SMG6: variants seen among roughly 807,000 people sequenced by gnomAD.
SMG6 encodes SMG6 nonsense mediated mRNA decay factor, also known as telomerase-binding protein EST1A.
Under a neutral mutation model 142.2 loss-of-function variants are expected in SMG6, and 66 were observed. That is an observed-to-expected ratio of 0.46 (90% CI 0.38 to 0.57). The LOEUF is 0.57. Among genes scored for constraint, SMG6 ranks in the 20% least tolerant of loss-of-function variants. The pLI is 0.00. For missense variants in SMG6, 1,793 were observed against 1,832.0 expected, an observed-to-expected ratio of 0.98 and a Z score of 0.39; for synonymous variants, 779 against 702.4, an observed-to-expected ratio of 1.11 and a Z score of -1.72.
intron 8 of SMG6, among the ~76,000 whole-genome samples, chr17:2,267,816 C>T (rs1261496556): frequency 4.0e-5 from 6 of 150,692 alleles, no homozygotes; most frequent in African/African-American, 9.8e-5. Context: ...GGCGCGATCT[C>T]GGCTCACTGT....
chr17:2,233,513 GA>G (rs1015011500), intron 10 of SMG6: 1 of 152,380 alleles, frequency 6.6e-6, no homozygotes, highest in Non-Finnish European at 1.5e-5. Context: ...GGCCAGGGGA[GA>G]AACCTTTAGA....
rs765346695 is a variant in SMG6, at chr17:2,085,892, C to T, written c.3367G>A (p.Ala1123Thr). The T allele has an allele frequency of 5.0e-6, 8 of 1,614,096 alleles. No individual in the cohort carries two copies. In the South Asian group the frequency reaches 8.8e-5, roughly 18 times the overall value. Reference protein sequence around the residue: ...VEKTSDKVIAADCKRVTVLKY... With the variant: ...VEKTSDKVIATDCKRVTVLKY... ...AGCACTGTGACCCTTTTGCAGTCAGCTGCAATAACCTACAGGGTGAGAGGG... is the reference window on the plus strand; with the variant it reads ...AGCACTGTGACCCTTTTGCAGTCAGTTGCAATAACCTACAGGGTGAGAGGG... The change falls in exon 14 of 19, where the codon GCT (alanine) becomes ACT (threonine). Residue 1123 changes from alanine to threonine, a missense_variant. Physicochemically the swap from Ala to Thr is moderately conservative, Grantham distance 58. Coordinates refer to ENST00000263073, the MANE Select transcript of SMG6 (RefSeq NM_017575.5). This position sits in a 1 kb window ranked among gnomAD's most constrained non-coding sequence, Gnocchi z 4.1.
Position 2,173,845 on chromosome 17 carries a change from C to CTTT in SMG6, c.3156-989_3156-987dup, listed in dbSNP as rs35215989. On this transcript the variant is annotated intron_variant, in intron 12 of 18. Coordinates refer to ENST00000263073, the MANE Select transcript of SMG6 (RefSeq NM_017575.5). ...TGGTGGGTGCTGAGGATCCATAAAG[C>CTTT]TTTTTTTTTTTTTTTTTTTTTTTTT... is the stretch of plus-strand genomic sequence containing the variant. 3.8e-3 allele frequency among the ~76,000 whole-genome samples: 284 copies of CTTT among 74,816 alleles called. 18 individuals are homozygous for CTTT. The highest frequency in any genetic ancestry group is 5.9e-3 in the Non-Finnish European group (230 of 38,776). The allele number at this position is 74,816 out of a possible 152,430, so 49.1% of individuals were successfully genotyped here.
intron 10 of SMG6, among the ~76,000 whole-genome samples, chr17:2,223,721 C>A (rs557832235): frequency 2.2e-4 from 33 of 152,236 alleles, no homozygotes; most frequent in African/African-American, 7.9e-4. Context: ...CCCAATTAGC[C>A]CTCTAAGTGA....
chr17:2,219,255 G>A (rs1567692862), intron 10 of SMG6, among the ~76,000 whole-genome samples: 1 of 152,040 alleles, frequency 6.6e-6, no homozygotes, highest in African/African-American at 2.4e-5. Flanking sequence ...CGTGGTGGCG[G>A]GCACCTGTAG....
intron 4 of SMG6, among the ~76,000 whole-genome samples, chr17:2,296,384 C>A (rs2075142767): frequency 6.6e-6 from 1 of 152,154 alleles, no homozygotes; most frequent in Non-Finnish European, 1.5e-5. Context: ...TCCAAGAAGC[C>A]TTCCTTGGCC....
chr17:2,064,434 C>T (rs751270874), intron 18 of SMG6, among the ~76,000 whole-genome samples: 2 of 152,156 alleles, frequency 1.3e-5, no homozygotes, highest in African/African-American at 2.4e-5. Flanking sequence ...TGAGATTCTG[C>T]TTACCCCAAA....
intron 1 of SMG6, among the ~76,000 whole-genome samples, chr17:2,302,772 C>A (rs1443054885): frequency 6.6e-6 from 1 of 151,954 alleles, no homozygotes; most frequent in Non-Finnish European, 1.5e-5. Context: ...GCAGTTTAAC[C>A]CAAGAATAGC....
intron 13 of SMG6, among the ~76,000 whole-genome samples, chr17:2,124,293 T>G (rs2069799482): frequency 6.6e-6 from 1 of 152,136 alleles, no homozygotes; most frequent in Non-Finnish European, 1.5e-5. Flanking sequence ...ACAATAAGGG[T>G]GGGGTACAGG....
At chr17:2,230,461 T>G (rs1191427597) in intron 10 of SMG6, among the ~76,000 whole-genome samples, 1 of 152,028 alleles carries the variant, frequency 6.6e-6, no homozygotes, top group Non-Finnish European at 1.5e-5. Context: ...ACCACATGGC[T>G]ATCTTGGGGC....
At chr17:2,121,452 A>C (rs1297337055) in intron 13 of SMG6, among the ~76,000 whole-genome samples, 1 of 152,162 alleles carries the variant, frequency 6.6e-6, no homozygotes. Context: ...AAAATAGGCA[A>C]ATCTAATCTT....
In SMG6 at chr17:2,211,101, TA is replaced by T. The variant is rs56893397; in HGVS notation, c.2870-22587del. 2.6e-4 allele frequency among the ~76,000 whole-genome samples: 37 copies of T among 141,194 alleles called. No individual in the cohort carries two copies. In the South Asian group the frequency reaches 3.0e-3, roughly 11 times the overall value. The allele number at this position is 141,194 out of a possible 152,430, so 92.6% of individuals were successfully genotyped here. ...ACTTCCTGGAGGAGCTGGATTTTAT[TA>T]AAAAAAAAAAAATAGAAAAAAGATA... On this transcript the variant is annotated intron_variant, in intron 10 of 18. Coordinates refer to ENST00000263073, the MANE Select transcript of SMG6 (RefSeq NM_017575.5).
chr17:2,127,125 A>T, intron 13 of SMG6, among the ~76,000 whole-genome samples: 1 of 144,816 alleles, frequency 6.9e-6, no homozygotes, highest in Non-Finnish European at 1.5e-5. Context: ...GGCAACACAG[A>T]GAGACCTTGT....
intron 12 of SMG6, among the ~76,000 whole-genome samples, chr17:2,183,665 T>A (rs766423059): frequency 2.3e-4 from 35 of 152,210 alleles, no homozygotes; most frequent in Non-Finnish European, 3.1e-4. Flanking sequence ...CTCGTTTGAT[T>A]TTTTGTTTAA....
chr17:2,289,097 AAAATT>A (rs2074974224), intron 6 of SMG6, among the ~76,000 whole-genome samples: 1 of 151,120 alleles, frequency 6.6e-6, no homozygotes, highest in Non-Finnish European at 1.5e-5. Flanking sequence ...AAAAAAAAAA[AAAATT>A]AGCCAGCTGT....
At chr17:2,062,602 A>G (rs758087528) in intron 18 of SMG6, 8 of 152,064 alleles carry the variant, frequency 5.3e-5, no homozygotes, top group Non-Finnish European at 7.4e-5. Context: ...AAGCACTCAC[A>G]CAAGTGACAT....
chr17:2,128,817 C>CAAA lies in SMG6; in HGVS notation c.3358-42919_3358-42917dup, dbSNP rs367580981. 6.9e-3 allele frequency among the ~76,000 whole-genome samples: 507 copies of CAAA among 73,012 alleles called. 12 individuals carry two copies. The highest frequency in any genetic ancestry group is 0.016 in the African/African-American group (343 of 22,114). 47.9% of individuals were successfully genotyped at this position (73,012 alleles called of 152,430 possible). A position where few individuals can be genotyped will look rare whatever the true frequency, so the allele number is the denominator to read the frequency against. On this transcript the variant is annotated intron_variant, in intron 13 of 18. Transcript: ENST00000263073. The stretch of plus-strand genomic sequence containing the variant: ...CTAGCCTGGGTGACAGAGCAAGACT[C>CAAA]AAAAAAAAAAAAAAAAAGAGAGAGA...
At chr17:2,084,293 C>A (rs1221559572) in intron 14 of SMG6, among the ~76,000 whole-genome samples, 1 of 152,238 alleles carries the variant, frequency 6.6e-6, no homozygotes, top group Non-Finnish European at 1.5e-5. Flanking sequence ...CTCTGCCCTG[C>A]CTGAAGCCTG....
At chr17:2,284,320 A>T (rs1413305139) in intron 6 of SMG6, among the ~76,000 whole-genome samples, 2 of 152,194 alleles carry the variant, frequency 1.3e-5, no homozygotes, top group Admixed American at 1.3e-4. Flanking sequence ...ACTTAACTGT[A>T]CTTAATCAAT....
Sources: allele counts gnomAD v4.1 joint callset (sites outside exome capture counted in the v4.1 genomes callset), GRCh38; gene constraint gnomAD v4.1.1; non-coding constraint Gnocchi (gnomAD v3.1); transcripts MANE v1.5; gene names NCBI Gene and HGNC (gene_info 2026-07-23, HGNC 2026-07-21).